The following SHF variants were observed in gnomAD, a reference collection of about 807,000 sequenced individuals.
The protein encoded by SHF is SH2 domain-containing adapter protein F.
SHF carries 30 observed loss-of-function variants against 42.4 expected under a neutral mutation model. The observed-to-expected ratio is 0.71, with a 90% CI of 0.53 to 0.96. SHF has a LOEUF of 0.96. Ranked by LOEUF, SHF falls within the 40% of genes least tolerant of loss-of-function variation. The pLI, the probability that SHF is intolerant of heterozygous loss-of-function variation, is 0.00. For synonymous variants in SHF, 264 were observed against 269.9 expected (o/e 0.98, Z 0.21); for missense variants, 598 against 634.0 (o/e 0.94, Z 0.61).
chr15:45,193,889 A>G (rs1898784470), intron 2 of SHF, among the ~76,000 whole-genome samples: 2 of 151,762 alleles, frequency 1.3e-5, no homozygotes, highest in Admixed American at 1.3e-4. Context: ...GCTTGTGCTC[A>G]GGAATTAGAG....
intron 4 of SHF, among the ~76,000 whole-genome samples, 186 bp downstream of exon 4, chr15:45,173,390 G>A (rs1897623650): frequency 6.6e-6 from 1 of 152,222 alleles, no homozygotes; most frequent in South Asian, 2.1e-4. Context: ...GGGCCTCCCT[G>A]TAGAAGACAC....
At chr15:45,173,026 A>C (rs1007453681) in intron 4 of SHF, among the ~76,000 whole-genome samples, 2 of 152,186 alleles carry the variant, frequency 1.3e-5, no homozygotes, top group Non-Finnish European at 2.9e-5. Flanking sequence ...CCATATTTTA[A>C]AATACAACAT....
chr15:45,188,240 C>A (rs1898580621), upstream of SHF, among the ~76,000 whole-genome samples: 1 of 152,162 alleles, frequency 6.6e-6, no homozygotes. Flanking sequence ...ACGCGGTCCC[C>A]TGTGGGGAGC....
intron 1 of SHF, chr15:45,199,175 C>T: frequency 7.7e-7 from 1 of 1,303,538 alleles, no homozygotes; most frequent in Non-Finnish European, 1.0e-6. Flanking sequence ...CCCCATGTTC[C>T]CAACACCCAC....
Position 45,168,017 on chromosome 15 carries a change from C to T in SHF, c.1397G>A (p.Ser466Asn). ...GGCTCCCTTAATGGGTAGCTTGCGGCTGGCATAGTGGTGCACAATTTCAGG... is the reference window on the plus strand; with the variant it reads ...GGCTCCCTTAATGGGTAGCTTGCGGTTGGCATAGTGGTGCACAATTTCAGG... ...SVPEIVHHYA[S>N]RKLPIKGAEH... The change falls in exon 7 of 7, where the codon AGC becomes AAC. Residue 466 changes from serine (S) to asparagine (N), a missense_variant. This residue lies in a region of SHF where 439 missense variants were observed against 524.6 expected (regional missense o/e 0.84). Transcript: ENST00000690270. The T allele has an allele frequency of 1.2e-6, 2 of 1,613,582 alleles. No individual in the cohort carries two copies. The highest frequency in any genetic ancestry group is 1.1e-5 in the South Asian group (1 of 90,944).
upstream of SHF, among the ~76,000 whole-genome samples, chr15:45,192,468 C>T (rs551727548): frequency 3.5e-4 from 52 of 149,298 alleles, no homozygotes; most frequent in African/African-American, 1.2e-3. Context: ...CCCGGGTTCA[C>T]GCCGTTCTCC....
chr15:45,173,189 A>C (rs1409589154), intron 4 of SHF, among the ~76,000 whole-genome samples: 2 of 151,826 alleles, frequency 1.3e-5, no homozygotes, highest in African/African-American at 4.8e-5. Flanking sequence ...TGAAGCCCTT[A>C]CTCTCTTTCA....
At chr15:45,177,685 TC>T (rs1455334844) in intron 2 of SHF, among the ~76,000 whole-genome samples, 3 of 152,158 alleles carry the variant, frequency 2.0e-5, no homozygotes, top group African/African-American at 7.2e-5. Flanking sequence ...TTGATCTCTT[TC>T]CCCTGGACTG....
upstream of SHF, among the ~76,000 whole-genome samples, chr15:45,190,387 T>C (rs971353110): frequency 6.6e-6 from 1 of 152,160 alleles, no homozygotes; most frequent in Non-Finnish European, 1.5e-5. Context: ...AGGTAACTAA[T>C]AAGAAATCCA....
intron 6 of SHF, chr15:45,170,863 G>T (rs56294809): frequency 0.18 from 29,127 of 164,282 alleles, 3,143 homozygotes; most frequent in East Asian, 0.42. Flanking sequence ...TGTTGGTCAG[G>T]TTGGTCTCGA....
intron 1 of SHF, among the ~76,000 whole-genome samples, chr15:45,178,830 G>A (rs1215249951): frequency 6.6e-6 from 1 of 152,206 alleles, no homozygotes; most frequent in Non-Finnish European, 1.5e-5. Flanking sequence ...ACCGCGCCCG[G>A]CCCCAAGTGG....
Position 45,167,924 on chromosome 15 carries a change from A to G in SHF, c.*23T>C. 2.5e-6 allele frequency: 4 copies of G among 1,572,132 alleles called. No homozygotes were observed. Among genetic ancestry groups the G allele is most frequent in the Non-Finnish European group, 3.5e-6 (4 of 1,154,276 alleles). On this transcript the variant is annotated 3_prime_UTR_variant, in exon 7 of 7. Coordinates refer to ENST00000690270, the MANE Select transcript of SHF (RefSeq NM_001394037.1). ...TGGGCACAGGGCTGGGTACAGGTCT[A>G]TCACAGTGCCCTGGCTTCACATCTA...
Position 45,167,787 on chromosome 15 carries a change from G to A in SHF, c.*160C>T. 1 of 616,072 alleles carries A rather than the reference G, an allele frequency of 1.6e-6. No individual in the cohort carries two copies. The allele number at this position is 616,072 out of a possible 1,614,324, so 38.2% of individuals were successfully genotyped here. A position where few individuals can be genotyped will look rare whatever the true frequency, so the allele number is the denominator to read the frequency against. On this transcript the variant is annotated 3_prime_UTR_variant, in exon 7 of 7. Transcript: ENST00000690270. ...AACCCCTTACTCCAAGGCCCCAGGA[G>A]CCCTTTCCCTTTAGAATAAATTAAG...
At chr15:45,178,558 A>C in intron 1 of SHF, among the ~76,000 whole-genome samples, 1 of 133,534 alleles carries the variant, frequency 7.5e-6, no homozygotes, top group East Asian at 2.1e-4. Flanking sequence ...TTTTTGAGAC[A>C]GAGTCTCACT....
chr15:45,198,976 G>A (rs1243686856), exon 2 of SHF: 7 of 1,613,434 alleles, frequency 4.3e-6, no homozygotes, highest in Admixed American at 3.3e-5. Flanking sequence ...TACCCTTGGG[G>A]GATGCCCGTT....
rs2141355428 is a variant in SHF at position 45,174,633 on chromosome 15, C to G, written c.847+586G>C. ...TACTCCAGGCTCTTGCTCCACCCAC[C>G]TCAGACCACTAACATGAACTTTTCC... On this transcript the variant is annotated intron_variant, in intron 3 of 6. Transcript: ENST00000690270. Among the ~76,000 whole-genome samples the G allele has an allele frequency of 2.0e-5, 3 of 152,336 alleles. No individual in the cohort carries two copies. In the Middle Eastern group the frequency reaches 0.01, roughly 518 times the overall value.
Position 45,167,870 on chromosome 15 carries a change from G to T in SHF, c.*77C>A. 1 of 1,334,234 alleles carries T rather than the reference G, an allele frequency of 7.5e-7. No individual in the cohort carries two copies. Among genetic ancestry groups the T allele is most frequent in the Middle Eastern group, 2.0e-4 (1 of 5,088 alleles). 82.6% of individuals were successfully genotyped at this position (1,334,234 alleles called of 1,614,324 possible). On this transcript the variant is annotated 3_prime_UTR_variant, in exon 7 of 7. Coordinates refer to ENST00000690270, the MANE Select transcript of SHF (RefSeq NM_001394037.1). ...GAAAGGTTTGAAAGATCACGTCCCT[G>T]GCAAGAGCCACAGCCCTCAGCCAGG...
upstream of SHF, among the ~76,000 whole-genome samples, chr15:45,191,167 C>T (rs931897390): frequency 6.6e-5 from 10 of 152,262 alleles, no homozygotes; most frequent in Middle Eastern, 3.4e-3. Flanking sequence ...TGGGCTCAAA[C>T]GATTCTCCTA....
chr15:45,172,616 C>T (rs970998228), intron 4 of SHF, among the ~76,000 whole-genome samples: 3 of 152,214 alleles, frequency 2.0e-5, no homozygotes, highest in Non-Finnish European at 4.4e-5. Flanking sequence ...CCCTCCAAAG[C>T]AGCTGACTGC....
Sources: gnomAD v4.1 joint callset for allele counts (sites outside exome capture counted in the v4.1 genomes callset) on GRCh38, gnomAD v4.1.1 for gene constraint, gnomAD v4.1.1 regional missense constraint, MANE v1.5 for transcripts, NCBI Gene and HGNC (gene_info 2026-07-23, HGNC 2026-07-21) for gene names.